The following RFTN1 variants were observed in gnomAD, a reference collection of about 807,000 sequenced individuals.
The protein encoded by RFTN1 is raftlin.
In RFTN1, 26 loss-of-function variants were observed where a neutral mutation model predicts 46.5. That is an observed-to-expected ratio of 0.56 (90% confidence interval 0.41 to 0.78). The LOEUF (loss-of-function observed/expected upper bound fraction) is 0.78. Ranked by LOEUF, RFTN1 falls within the 30% of genes least tolerant of loss-of-function variation. The probability of loss-of-function intolerance (pLI) is 0.00; values close to 1 mark genes in which losing one functional copy is unlikely to be tolerated. For synonymous variants in RFTN1, 261 were observed against 284.2 expected (o/e 0.92, Z 0.82); for missense variants, 693 against 718.7 (o/e 0.96, Z 0.41).
chr3:16,460,036 T>C lies in RFTN1; in HGVS notation c.146-25999A>G, dbSNP rs1364376746. Reference sequence around the variant, plus strand: ...TTTCAATGCTTTGAGTGGGCATAGCTTTATTCTAAATTTTTATGAATTTTA... The same window carrying C: ...TTTCAATGCTTTGAGTGGGCATAGCCTTATTCTAAATTTTTATGAATTTTA... On this transcript the variant is annotated intron_variant, in intron 2 of 9. Transcript: ENST00000334133. This position sits in a 1 kb window ranked among gnomAD's most constrained non-coding sequence, Gnocchi z 4.8. Among the ~76,000 whole-genome samples, 1 of 152,240 alleles carries C rather than the reference T, an allele frequency of 6.6e-6. No individual in the cohort carries two copies. Among genetic ancestry groups the C allele is most frequent in the Non-Finnish European group, 1.5e-5 (1 of 68,042 alleles).
In RFTN1 at chr3:16,499,601, T is replaced by A. The variant is rs2076678141; in HGVS notation, c.-8-5724A>T. 6.6e-6 allele frequency among the ~76,000 whole-genome samples: 1 copy of A among 152,252 alleles called. No homozygotes were observed. Among genetic ancestry groups the A allele is most frequent in the African/African-American group, 2.4e-5 (1 of 41,468 alleles). ...ACCAAGCCCTGCCAAAGCTGCAGAT[T>A]CCTGAGCAAAATAAGCTACTGTTGT... On this transcript the variant is annotated intron_variant, in intron 1 of 9. Transcript: ENST00000334133. The surrounding 1 kb of genome is among the most constrained non-coding windows in gnomAD (Gnocchi z 4.9).
Position 16,425,769 on chromosome 3 carries a change from A to G in RFTN1, c.332+8082T>C, listed in dbSNP as rs2075278199. 1.3e-5 allele frequency among the ~76,000 whole-genome samples: 2 copies of G among 152,200 alleles called. No homozygotes were observed. Among genetic ancestry groups the G allele is most frequent in the South Asian group, 4.2e-4 (2 of 4,818 alleles). On this transcript the variant is annotated intron_variant, in intron 3 of 9. Coordinates refer to ENST00000334133, the MANE Select transcript of RFTN1 (RefSeq NM_015150.2). The surrounding 1 kb of genome is among the most constrained non-coding windows in gnomAD (Gnocchi z 4.3). The stretch of plus-strand genomic sequence containing the variant: ...GTGAATCCTGAAACTTCAACACACC[A>G]GAAAAGGGTGTCACTCCAGAGTGAG...
intron 4 of RFTN1, among the ~76,000 whole-genome samples, chr3:16,394,413 A>C (rs2074421604): frequency 6.6e-6 from 1 of 152,146 alleles, no homozygotes; most frequent in African/African-American, 2.4e-5. Context: ...CAATGCAGGA[A>C]TTCTACACAC....
intron 4 of RFTN1, among the ~76,000 whole-genome samples, chr3:16,396,275 T>A (rs2074466340): frequency 6.6e-6 from 1 of 152,176 alleles, no homozygotes. Flanking sequence ...CATCTTTTTT[T>A]AAATTTTTAG....
intron 2 of RFTN1, among the ~76,000 whole-genome samples, chr3:16,471,547 A>C (rs1006072422): frequency 6.6e-6 from 1 of 152,224 alleles, no homozygotes; most frequent in East Asian, 1.9e-4. Flanking sequence ...AAAGGAGGTC[A>C]GGGAGAGAAG....
Position 16,370,059 on chromosome 3 carries a change from G to C in RFTN1, c.1030+17C>G. 1 of 1,612,830 alleles carries C rather than the reference G, an allele frequency of 6.2e-7. No homozygotes were observed. On this transcript the variant is annotated intron_variant, in intron 6 of 9. Transcript: ENST00000334133. This position sits in a 1 kb window ranked among gnomAD's most constrained non-coding sequence, Gnocchi z 5.5. ...GTTCACAAAGGGCCACCCAAGGACTGTGAATTCCAAACATACCATTCACTA... is the reference window on the plus strand; with the variant it reads ...GTTCACAAAGGGCCACCCAAGGACTCTGAATTCCAAACATACCATTCACTA...
intron 4 of RFTN1, among the ~76,000 whole-genome samples, chr3:16,398,106 G>T (rs929659147): frequency 6.6e-6 from 1 of 151,984 alleles, no homozygotes; most frequent in African/African-American, 2.4e-5. Flanking sequence ...AATCAGCTGG[G>T]CGTGGTGGCG....
chr3:16,326,379 C>A (rs1233367377), intron 8 of RFTN1, among the ~76,000 whole-genome samples: 1 of 152,224 alleles, frequency 6.6e-6, no homozygotes, highest in Admixed American at 6.5e-5. Context: ...TAATACAATT[C>A]TACCTCATAG....
rs1043873179 is a variant in RFTN1 at position 16,468,368 on chromosome 3, G to A, written c.145+25357C>T. 3.5e-4 allele frequency among the ~76,000 whole-genome samples: 53 copies of A among 152,114 alleles called. No homozygotes were observed. Among genetic ancestry groups the A allele is most frequent in the African/African-American group, 1.3e-3 (52 of 41,406 alleles). On this transcript the variant is annotated intron_variant, in intron 2 of 9. Transcript: ENST00000334133. This position sits in a 1 kb window ranked among gnomAD's most constrained non-coding sequence, Gnocchi z 4.4. The stretch of plus-strand genomic sequence containing the variant: ...GTAGATAAGTAGGGCTCCCTTAGAT[G>A]CTGTCTGCCTATACCCCATGACTGT...
chr3:16,358,731 G>T (rs2072630891), intron 6 of RFTN1, among the ~76,000 whole-genome samples: 1 of 152,032 alleles, frequency 6.6e-6, no homozygotes, highest in African/African-American at 2.4e-5. Context: ...GGCAATGAGG[G>T]TAAAAAGAAA....
Position 16,316,960 on chromosome 3 carries a change from A to C in RFTN1, c.1605T>G (p.Ala535=). Residue 535 remains alanine, a synonymous_variant, in exon 10 of 10, where the codon GCT becomes GCG. Coordinates refer to ENST00000334133, the MANE Select transcript of RFTN1 (RefSeq NM_015150.2). This position sits in a 1 kb window ranked among gnomAD's most constrained non-coding sequence, Gnocchi z 4.5. ...LLCGVGVEGE[A]VQNGPASHSR... ...TGTGGCTGGCAGGACCATTCTGCAC[A>C]GCCTCACCCTCCACACCCACCCCAC... is the stretch of plus-strand genomic sequence containing the variant. 6.2e-7 allele frequency: 1 copy of C among 1,613,970 alleles called. No individual in the cohort carries two copies. Among genetic ancestry groups the C allele is most frequent in the Non-Finnish European group, 8.5e-7 (1 of 1,179,994 alleles).
chr3:16,459,840 T>C lies in RFTN1; in HGVS notation c.146-25803A>G, dbSNP rs1264574648. 6.6e-6 allele frequency among the ~76,000 whole-genome samples: 1 copy of C among 152,294 alleles called. No individual in the cohort carries two copies. The highest frequency in any genetic ancestry group is 2.4e-5 in the African/African-American group (1 of 41,586). ...TGCTAGAAAAAAAATAAGATTTATA[T>C]ACAATAAGTTTTGAGAGAAGTTTAT... On this transcript the variant is annotated intron_variant, in intron 2 of 9. Coordinates refer to ENST00000334133, the MANE Select transcript of RFTN1 (RefSeq NM_015150.2). The surrounding 1 kb of genome is among the most constrained non-coding windows in gnomAD (Gnocchi z 4.2).
intron 4 of RFTN1, among the ~76,000 whole-genome samples, chr3:16,391,858 G>GTTGTT (rs2074348081): frequency 2.0e-5 from 1 of 49,122 alleles, no homozygotes; most frequent in East Asian, 1.6e-3. Flanking sequence ...TAGTGCAAAG[G>GTTGTT]TTTTTTTTTT....
chr3:16,469,846 C>T (rs1472019819), intron 2 of RFTN1, among the ~76,000 whole-genome samples: 5 of 152,170 alleles, frequency 3.3e-5, no homozygotes, highest in Admixed American at 3.3e-4. Flanking sequence ...CAAGTACATC[C>T]CCAAGGACCC....
chr3:16,432,785 A>G (rs974029408), intron 3 of RFTN1, among the ~76,000 whole-genome samples: 2 of 152,326 alleles, frequency 1.3e-5, no homozygotes, highest in South Asian at 4.2e-4. Flanking sequence ...TCGAGCAAAA[A>G]CATGCACCAC....
At position 16,413,259 on chromosome 3, in the gene RFTN1, G is replaced by A. The variant is rs544449631; in HGVS notation, c.333-3776C>T. On this transcript the variant is annotated intron_variant, in intron 3 of 9. Coordinates refer to ENST00000334133, the MANE Select transcript of RFTN1 (RefSeq NM_015150.2). The surrounding 1 kb of genome is among the most constrained non-coding windows in gnomAD (Gnocchi z 4.7). ...AAAGCAGCTCCATCAGGTGAGGAGTGTTCTGTGTCCCTGAGGGCAAGGACT... is the reference window on the plus strand; with the variant it reads ...AAAGCAGCTCCATCAGGTGAGGAGTATTCTGTGTCCCTGAGGGCAAGGACT... Among the ~76,000 whole-genome samples the A allele has an allele frequency of 1.8e-4, 27 of 152,378 alleles. No homozygotes were observed. Among genetic ancestry groups the A allele is most frequent in the Non-Finnish European group, 3.5e-4 (24 of 68,046 alleles).
At chr3:16,416,018 A>G (rs1426624284) in intron 3 of RFTN1, 1 of 240,776 alleles carries the variant, frequency 4.2e-6, no homozygotes, top group African/African-American at 2.3e-5. Context: ...AAAAATCATC[A>G]TCTTGCTGCT....
At chr3:16,406,696 CTG>C (rs1410562734) in intron 4 of RFTN1, among the ~76,000 whole-genome samples, 9 of 152,164 alleles carry the variant, frequency 5.9e-5, no homozygotes, top group African/African-American at 1.9e-4. Flanking sequence ...TTCTTGGAAA[CTG>C]AGACTTTGAG....
intron 3 of RFTN1, among the ~76,000 whole-genome samples, chr3:16,430,769 A>G (rs995721540): frequency 1.3e-5 from 2 of 152,238 alleles, no homozygotes; most frequent in Non-Finnish European, 2.9e-5. Context: ...CAGGCAGTTC[A>G]GGAACTCTGG....
Sources: allele counts gnomAD v4.1 joint callset (sites outside exome capture counted in the v4.1 genomes callset), GRCh38; gene constraint gnomAD v4.1.1; non-coding constraint Gnocchi (gnomAD v3.1); transcripts MANE v1.5; gene names NCBI Gene and HGNC (gene_info 2026-07-23, HGNC 2026-07-21).